The following PLEKHM3 variants were observed in gnomAD, a reference collection of about 807,000 sequenced individuals.
The protein encoded by PLEKHM3 is pleckstrin homology domain containing M3, also known as pleckstrin homology domain-containing family M member 3.
In PLEKHM3, 45 loss-of-function variants were observed where a neutral mutation model predicts 81.8. The observed-to-expected ratio is 0.55, with a 90% CI of 0.43 to 0.71. PLEKHM3 has a LOEUF of 0.71. Among genes scored for constraint, PLEKHM3 ranks in the 30% least tolerant of loss-of-function variants. PLEKHM3 has a pLI of 0.00. For synonymous variants in PLEKHM3, 352 were observed against 356.4 expected, an observed-to-expected ratio of 0.99 and a Z score of 0.14; for missense variants, 788 against 924.3, an observed-to-expected ratio of 0.85 and a Z score of 1.91.
Position 207,984,806 on chromosome 2 carries a change from T to C in PLEKHM3, c.611-7220A>G, listed in dbSNP as rs1393045244. Among the ~76,000 whole-genome samples, 9 of 152,342 alleles carry C rather than the reference T, an allele frequency of 5.9e-5. No homozygotes were observed. The South Asian group carries it at 1.7e-3, about 28-fold the overall frequency. ...TCCTTTTTTTCATGCCATGTATTTCTTGAAGAAGCTGGTTCATTTATCCTG... is the reference window on the plus strand; with the variant it reads ...TCCTTTTTTTCATGCCATGTATTTCCTGAAGAAGCTGGTTCATTTATCCTG... On this transcript the variant is annotated intron_variant, in intron 2 of 7. Coordinates refer to ENST00000427836, the MANE Select transcript of PLEKHM3 (RefSeq NM_001080475.3).
At chr2:207,919,577 C>T (rs1450882592) in intron 5 of PLEKHM3, among the ~76,000 whole-genome samples, 2 of 152,042 alleles carry the variant, frequency 1.3e-5, no homozygotes, top group Non-Finnish European at 2.9e-5. Flanking sequence ...GGTTTGCCGA[C>T]TGGATGTAGA....
intron 1 of PLEKHM3, among the ~76,000 whole-genome samples, chr2:208,016,269 G>T (rs1692910915): frequency 6.6e-6 from 1 of 152,068 alleles, no homozygotes; most frequent in Non-Finnish European, 1.5e-5. Context: ...GGGGGGACGG[G>T]CAAATATCAA....
chr2:208,020,910 G>C (rs1003215225), intron 1 of PLEKHM3, among the ~76,000 whole-genome samples: 1 of 152,172 alleles, frequency 6.6e-6, no homozygotes, highest in African/African-American at 2.4e-5. Context: ...GCAGTAGCTT[G>C]ATGCTGCTGG....
At chr2:207,895,484 C>A (rs1688194658) in intron 6 of PLEKHM3, among the ~76,000 whole-genome samples, 1 of 152,222 alleles carries the variant, frequency 6.6e-6, no homozygotes, top group Admixed American at 6.5e-5. Context: ...TGCCCTTGAC[C>A]TGTGCTCTAG....
chr2:207,975,561 G>C (rs993279089), intron 3 of PLEKHM3, among the ~76,000 whole-genome samples: 1 of 149,308 alleles, frequency 6.7e-6, no homozygotes, highest in African/African-American at 2.5e-5. Context: ...ATCTAGATCG[G>C]GTTCAGTGAG....
intron 5 of PLEKHM3, among the ~76,000 whole-genome samples, chr2:207,911,550 T>A (rs982480352): frequency 6.6e-6 from 1 of 152,150 alleles, no homozygotes; most frequent in Admixed American, 6.5e-5. Context: ...CCCAAACTTA[T>A]CTGCAGGAAA....
intron 5 of PLEKHM3, among the ~76,000 whole-genome samples, chr2:207,930,597 T>C (rs1287709693): frequency 1.3e-5 from 2 of 152,180 alleles, no homozygotes; most frequent in African/African-American, 2.4e-5. Flanking sequence ...ACTACATAAG[T>C]GACCAATATA....
Position 207,837,675 on chromosome 2 carries a change from T to A in PLEKHM3, c.2109-9179A>T, listed in dbSNP as rs534849032. 1.3e-4 allele frequency among the ~76,000 whole-genome samples: 19 copies of A among 144,946 alleles called. No individual in the cohort carries two copies. The South Asian group carries it at 4.3e-3, about 33-fold the overall frequency. On this transcript the variant is annotated intron_variant, in intron 7 of 7. Transcript: ENST00000427836. ...TTGAGATGGAGTCAGGCTGGTCTTG[T>A]TCTCCTGACCTCGTGATCTGCCCAC...
intron 3 of PLEKHM3, among the ~76,000 whole-genome samples, chr2:207,961,614 A>G (rs1690736651): frequency 6.6e-6 from 1 of 152,186 alleles, no homozygotes; most frequent in Admixed American, 6.5e-5. Context: ...ATTTTTAGCC[A>G]AGATTTAAGA....
At chr2:207,906,177 C>T (rs1047234377) in intron 6 of PLEKHM3, among the ~76,000 whole-genome samples, 3 of 152,184 alleles carry the variant, frequency 2.0e-5, no homozygotes, top group Non-Finnish European at 2.9e-5. Flanking sequence ...TTTAAACATA[C>T]TTCTCAAATG....
chr2:207,987,478 C>T (rs914219256), intron 2 of PLEKHM3, among the ~76,000 whole-genome samples: 1 of 152,210 alleles, frequency 6.6e-6, no homozygotes, highest in Non-Finnish European at 1.5e-5. Flanking sequence ...AATCAATTTT[C>T]ATTGACTGCT....
At chr2:207,945,306 T>C (rs1485963172) in intron 4 of PLEKHM3, among the ~76,000 whole-genome samples, 1 of 152,220 alleles carries the variant, frequency 6.6e-6, no homozygotes, top group Non-Finnish European at 1.5e-5. Flanking sequence ...CTCACTTTTC[T>C]CCTCTATTGA....
At chr2:207,949,468 A>C (rs1690258110) in intron 3 of PLEKHM3, among the ~76,000 whole-genome samples, 1 of 152,192 alleles carries the variant, frequency 6.6e-6, no homozygotes, top group African/African-American at 2.4e-5. Context: ...TGAACCTAGG[A>C]GGTCAAGGCT....
At chr2:207,927,627 C>T (rs1574414838) in intron 5 of PLEKHM3, among the ~76,000 whole-genome samples, 1 of 150,996 alleles carries the variant, frequency 6.6e-6, no homozygotes, top group Admixed American at 6.6e-5. Context: ...GTCAGGAGTT[C>T]GAGACCAGCC....
intron 1 of PLEKHM3, among the ~76,000 whole-genome samples, chr2:208,013,847 C>G (rs893875709): frequency 1.3e-5 from 2 of 152,162 alleles, no homozygotes; most frequent in Non-Finnish European, 2.9e-5. Flanking sequence ...AAACAACAAC[C>G]GGCTTATGGC....
At chr2:207,956,280 C>A (rs1032864845) in intron 3 of PLEKHM3, among the ~76,000 whole-genome samples, 1 of 152,036 alleles carries the variant, frequency 6.6e-6, no homozygotes, top group African/African-American at 2.4e-5. Flanking sequence ...GCCTGGCCAA[C>A]ATGGTGAAAC....
intron 2 of PLEKHM3, among the ~76,000 whole-genome samples, chr2:207,993,811 C>T (rs927786888): frequency 5.3e-5 from 8 of 152,106 alleles, no homozygotes; most frequent in Non-Finnish European, 1.0e-4. Context: ...TTTCAGAGCT[C>T]TGTAGCTAAT....
At chr2:207,981,787 T>C (rs1691533367) in intron 2 of PLEKHM3, among the ~76,000 whole-genome samples, 1 of 152,370 alleles carries the variant, frequency 6.6e-6, no homozygotes, top group South Asian at 2.1e-4. Context: ...CCCACACATA[T>C]TCTTTTAAAG....
At chr2:207,858,174 G>A (rs61624605) in intron 7 of PLEKHM3, among the ~76,000 whole-genome samples, 31,027 of 123,004 alleles carry the variant, frequency 0.25, 4,093 homozygotes, top group Middle Eastern at 0.34. Context: ...GTGTGTGTGT[G>A]TATATATTTT....
Sources: allele counts gnomAD v4.1 joint callset (sites outside exome capture counted in the v4.1 genomes callset), GRCh38; gene constraint gnomAD v4.1.1; transcripts MANE v1.5; gene names NCBI Gene and HGNC (gene_info 2026-07-23, HGNC 2026-07-21).